HIVEP3: variants seen among roughly 807,000 people sequenced by gnomAD.
The protein encoded by HIVEP3 is HIVEP zinc finger 3.
HIVEP3 carries 49 observed loss-of-function variants against 152.8 expected under a neutral mutation model. That is an observed-to-expected ratio of 0.32 (90% CI 0.26 to 0.41). The LOEUF is 0.41. Ranked by LOEUF, HIVEP3 falls within the 10% of genes least tolerant of loss-of-function variation. The pLI is 1.00. For missense variants in HIVEP3, 2,790 were observed against 3,103.3 expected (o/e 0.90, Z 2.40); for synonymous variants, 1,269 against 1,289.0 (o/e 0.98, Z 0.33).
At chr1:41,572,363 C>T (rs888293284) in intron 5 of HIVEP3, among the ~76,000 whole-genome samples, 1 of 152,216 alleles carries the variant, frequency 6.6e-6, no homozygotes, top group African/African-American at 2.4e-5. Context: ...GCTGCCATCA[C>T]ACCTGTAGCA....
At chr1:42,032,547 A>G (rs1175320657) in intron 1 of HIVEP3, among the ~76,000 whole-genome samples, 2 of 152,178 alleles carry the variant, frequency 1.3e-5, no homozygotes, top group Non-Finnish European at 2.9e-5. Flanking sequence ...TCTACGATAC[A>G]GCTTTGGGGG....
At chr1:41,765,375 G>A (rs543912870) in intron 1 of HIVEP3, among the ~76,000 whole-genome samples, 222 of 152,186 alleles carry the variant, frequency 1.5e-3, no homozygotes, top group African/African-American at 5.2e-3. Context: ...ACCCAGGCTC[G>A]TCTGATGTTG....
chr1:41,973,079 T>A (rs941200877), intron 1 of HIVEP3, among the ~76,000 whole-genome samples: 3 of 147,400 alleles, frequency 2.0e-5, no homozygotes, highest in Non-Finnish European at 2.9e-5. Flanking sequence ...CACACAATTA[T>A]GAAAGCAAGA....
rs187925815 is a variant in HIVEP3, at chr1:41,732,820, C to T, written c.-800-31825G>A. ...TACAGTCTCCAGAGACTCTCTTCTC[C>T]AGAGGGCCCTGCAGGGATCAGATGG... is the stretch of plus-strand genomic sequence containing the variant. On this transcript the variant is annotated intron_variant, in intron 1 of 8. Transcript: ENST00000372583. 1.3e-4 allele frequency among the ~76,000 whole-genome samples: 20 copies of T among 152,228 alleles called. No individual in the cohort carries two copies. In the East Asian group the frequency reaches 3.1e-3, roughly 24 times the overall value.
chr1:41,905,103 G>C (rs1479125960), intron 1 of HIVEP3, among the ~76,000 whole-genome samples: 1 of 152,172 alleles, frequency 6.6e-6, no homozygotes, highest in African/African-American at 2.4e-5. Context: ...TGTAGGTGGG[G>C]CCTCTCTAGG....
intron 5 of HIVEP3, among the ~76,000 whole-genome samples, chr1:41,548,753 C>T (rs143466678): frequency 0.027 from 4,171 of 152,188 alleles, 183 homozygotes; most frequent in African/African-American, 0.096. Context: ...CCAGGCTGGT[C>T]TCGAACTCCT....
chr1:41,867,287 T>G (rs1423917781), intron 1 of HIVEP3, among the ~76,000 whole-genome samples: 4 of 152,208 alleles, frequency 2.6e-5, no homozygotes, highest in Admixed American at 2.6e-4. Context: ...TGGCAAGCTT[T>G]TTCTATAAAG....
chr1:41,725,952 T>C (rs766464640), intron 1 of HIVEP3, among the ~76,000 whole-genome samples: 7 of 152,220 alleles, frequency 4.6e-5, no homozygotes, highest in African/African-American at 7.2e-5. Context: ...GAAGTGATTT[T>C]CAGTGAGTAA....
chr1:41,532,954 C>T (rs1395993323), intron 5 of HIVEP3, among the ~76,000 whole-genome samples: 3 of 152,050 alleles, frequency 2.0e-5, no homozygotes, highest in Non-Finnish European at 4.4e-5. Flanking sequence ...CCAAACCCTG[C>T]CCTCAAAAAG....
intron 1 of HIVEP3, among the ~76,000 whole-genome samples, chr1:41,734,570 G>C (rs1463073679): frequency 6.6e-6 from 1 of 152,218 alleles, no homozygotes; most frequent in African/African-American, 2.4e-5. Flanking sequence ...GGGTGATTTA[G>C]AAAGGCCCTT....
chr1:41,833,073 G>A (rs757471687), intron 1 of HIVEP3, among the ~76,000 whole-genome samples: 2 of 152,298 alleles, frequency 1.3e-5, no homozygotes, highest in African/African-American at 2.4e-5. Context: ...GAGAAGGCAC[G>A]GAAATAATTC....
chr1:41,636,790 C>T (rs1266182752), intron 2 of HIVEP3, among the ~76,000 whole-genome samples: 1 of 152,132 alleles, frequency 6.6e-6, no homozygotes, highest in Non-Finnish European at 1.5e-5. Flanking sequence ...GAAACCCCGT[C>T]TCTACTAAAA....
At chr1:41,612,130 C>A (rs1644907178) in intron 3 of HIVEP3, among the ~76,000 whole-genome samples, 2 of 152,174 alleles carry the variant, frequency 1.3e-5, no homozygotes, top group South Asian at 4.1e-4. Flanking sequence ...ACCCTTTCTG[C>A]CTCCTGCCAG....
chr1:41,729,894 A>C (rs910102116), intron 1 of HIVEP3, among the ~76,000 whole-genome samples: 2 of 152,126 alleles, frequency 1.3e-5, no homozygotes, highest in Non-Finnish European at 2.9e-5. Context: ...CTCCTCCACT[A>C]CCACTCTGGA....
chr1:41,941,984 A>G (rs1031101097), intron 1 of HIVEP3, among the ~76,000 whole-genome samples: 1 of 152,176 alleles, frequency 6.6e-6, no homozygotes, highest in Non-Finnish European at 1.5e-5. Context: ...GTCACCTCTA[A>G]GTCTGAAAAA....
At position 41,907,592 on chromosome 1, in the gene HIVEP3, C is replaced by T. The variant is rs143406020; in HGVS notation, c.-801+10821G>A. On this transcript the variant is annotated intron_variant, in intron 1 of 8. Coordinates refer to ENST00000372583, the MANE Select transcript of HIVEP3 (RefSeq NM_024503.5). ...GGCACGGTTCCCTCCCCTGGGCCTG[C>T]GGGAGGCCCATGGCAGCCAGAATGT... 5.2e-3 allele frequency among the ~76,000 whole-genome samples: 785 copies of T among 152,266 alleles called. 9 individuals carry two copies. The highest frequency in any genetic ancestry group is 0.018 in the African/African-American group (754 of 41,550).
intron 3 of HIVEP3, among the ~76,000 whole-genome samples, chr1:41,617,449 G>A (rs984808090): frequency 6.6e-6 from 1 of 152,208 alleles, no homozygotes; most frequent in South Asian, 2.1e-4. Context: ...AACCCCTGGG[G>A]TGGTTGAGGA....
chr1:41,638,644 G>A (rs115760418), intron 2 of HIVEP3, among the ~76,000 whole-genome samples: 4,143 of 152,224 alleles, frequency 0.027, 90 homozygotes, highest in Non-Finnish European at 0.039. Context: ...GGGGTAGAGG[G>A]GCCCATCTGC....
chr1:41,558,893 G>C (rs1644011445), intron 5 of HIVEP3, among the ~76,000 whole-genome samples: 1 of 152,100 alleles, frequency 6.6e-6, no homozygotes, highest in African/African-American at 2.4e-5. Context: ...CTCATGTGCA[G>C]CCCTGTCAGC....
Sources: allele counts gnomAD v4.1 joint callset (sites outside exome capture counted in the v4.1 genomes callset), GRCh38; gene constraint gnomAD v4.1.1; transcripts MANE v1.5; gene names NCBI Gene and HGNC (gene_info 2026-07-23, HGNC 2026-07-21).